Variants in TTLL5 observed in about 807,000 individuals in gnomAD.
The protein encoded by TTLL5 is tubulin polyglutamylase TTLL5.
Under a neutral mutation model 168.4 loss-of-function variants are expected in TTLL5, and 132 were observed. That is an observed-to-expected ratio of 0.78 (90% CI 0.68 to 0.91). TTLL5 has a LOEUF of 0.91. Among genes scored for constraint, TTLL5 ranks in the 40% least tolerant of loss-of-function variants. The pLI, the probability that TTLL5 is intolerant of heterozygous loss-of-function variation, is 0.00. For synonymous variants in TTLL5, 546 were observed against 558.6 expected, an observed-to-expected ratio of 0.98 and a Z score of 0.32; for missense variants, 1,545 against 1,581.5, an observed-to-expected ratio of 0.98 and a Z score of 0.39.
chr14:75,939,561 T>G (rs1362151887), intron 31 of TTLL5, among the ~76,000 whole-genome samples: 1 of 152,154 alleles, frequency 6.6e-6, no homozygotes, highest in African/African-American at 2.4e-5. Flanking sequence ...ATTATTTTAT[T>G]TTATTTTTAG....
At chr14:75,931,439 CAACTT>C (rs745622897) in intron 31 of TTLL5, among the ~76,000 whole-genome samples, 1 of 152,284 alleles carries the variant, frequency 6.6e-6, no homozygotes, top group East Asian at 1.9e-4. Flanking sequence ...CCTCAGTTAA[CAACTT>C]AACAAGTCCA....
At position 75,882,865 on chromosome 14, in the gene TTLL5, C is replaced by A; in HGVS notation, c.3703C>A (p.Gln1235Lys). 1.2e-6 allele frequency: 2 copies of A among 1,614,208 alleles called. No homozygotes were observed. The highest frequency in any genetic ancestry group is 1.7e-6 in the Non-Finnish European group (2 of 1,180,022). ...TCCCAAACCCCCACCCAACCACGAA[C>A]AAGTGCTCAGAAGGGCAACATCCCA... ...LVPKPPPNHE[Q>K]VLRRATSQKA... The change falls in exon 30 of 32, where the codon CAA becomes AAA. Residue 1235 changes from glutamine (Q) to lysine (K), a missense_variant. Physicochemically the swap from Gln to Lys is moderately conservative, Grantham distance 53. Transcript: ENST00000298832.
chr14:75,925,428 AGAGGCGCTCCTCACATCCCAGACG>A (rs2034009717), intron 31 of TTLL5, among the ~76,000 whole-genome samples: 1 of 135,380 alleles, frequency 7.4e-6, no homozygotes, highest in Non-Finnish European at 1.6e-5. Context: ...GCGGCGGGGC[AGAGGCGCTCCTCACATCCCAGACG>A]GGGCGGCGGG....
chr14:75,794,496 A>G (rs1892893718), intron 27 of TTLL5, among the ~76,000 whole-genome samples: 1 of 151,940 alleles, frequency 6.6e-6, no homozygotes, highest in Non-Finnish European at 1.5e-5. Context: ...GTGCTTACCT[A>G]TCTAGCTCCT....
chr14:75,887,182 G>A (rs2032165760), intron 30 of TTLL5: 1 of 1,003,444 alleles, frequency 1.0e-6, no homozygotes. Flanking sequence ...GGACTGGGTA[G>A]CCTGGTAGCA....
At chr14:75,829,431 T>TA (rs1201615452) in intron 28 of TTLL5, among the ~76,000 whole-genome samples, 1 of 151,942 alleles carries the variant, frequency 6.6e-6, no homozygotes, top group Admixed American at 6.6e-5. Flanking sequence ...AGCTAGAGAA[T>TA]AAAAAAATTT....
In TTLL5 at chr14:75,855,431, TTTTG is replaced by T. The variant is rs1271695290; in HGVS notation, c.3327-8220_3327-8217del. Among the ~76,000 whole-genome samples the T allele has an allele frequency of 7.2e-5, 11 of 152,258 alleles. No homozygotes were observed. In the South Asian group the frequency reaches 1.0e-3, roughly 14 times the overall value. On this transcript the variant is annotated intron_variant, in intron 28 of 31. Transcript: ENST00000298832. ...ATTGCCACGGGTGAGTTTTCTGGGT[TTTTG>T]TTTGTTTGTTTGTTTTCTGTTGTTG...
chr14:75,703,350 C>T (rs1426316525), intron 7 of TTLL5, among the ~76,000 whole-genome samples: 2 of 152,116 alleles, frequency 1.3e-5, no homozygotes, highest in African/African-American at 4.8e-5. Context: ...TTTACCATTA[C>T]GAGAACGAGA....
At chr14:75,773,162 A>G (rs1891448301) in intron 21 of TTLL5, among the ~76,000 whole-genome samples, 3 of 152,234 alleles carry the variant, frequency 2.0e-5, no homozygotes, top group African/African-American at 7.2e-5. Flanking sequence ...ATGAATTTAA[A>G]GTAGCCAATG....
intron 12 of TTLL5, among the ~76,000 whole-genome samples, chr14:75,730,871 C>T (rs1430150924): frequency 3.3e-5 from 5 of 152,106 alleles, no homozygotes; most frequent in Non-Finnish European, 5.9e-5. Context: ...AGGTGCCTGC[C>T]ACCACGCCCA....
chr14:75,684,052 A>G (rs8005563), intron 5 of TTLL5: 3,681 of 202,354 alleles, frequency 0.018, 113 homozygotes, highest in African/African-American at 0.064. Flanking sequence ...GGGATTACAG[A>G]CATGAGCCAC....
At chr14:75,668,043 G>A (rs930365134) in intron 2 of TTLL5, among the ~76,000 whole-genome samples, 1 of 152,096 alleles carries the variant, frequency 6.6e-6, no homozygotes, top group Admixed American at 6.6e-5. Flanking sequence ...ACAGGCGTGA[G>A]CCACCGTGTC....
At chr14:75,753,013 A>C in intron 18 of TTLL5, 58 bp downstream of exon 18, 2 of 1,519,320 alleles carry the variant, frequency 1.3e-6, no homozygotes, top group South Asian at 2.3e-5. Flanking sequence ...CAGAAAGTAC[A>C]TGTCAAAGAA....
chr14:75,793,885 T>TA, intron 27 of TTLL5, among the ~76,000 whole-genome samples: 1 of 152,350 alleles, frequency 6.6e-6, no homozygotes, highest in East Asian at 1.9e-4. Context: ...ACTCCACAGT[T>TA]ATATTTTGCT....
At chr14:75,816,737 T>C (rs1249960767) in intron 27 of TTLL5, among the ~76,000 whole-genome samples, 2 of 152,122 alleles carry the variant, frequency 1.3e-5, no homozygotes, top group Non-Finnish European at 2.9e-5. Context: ...ACTGTACTTT[T>C]TCTGTAAGTT....
intron 29 of TTLL5, among the ~76,000 whole-genome samples, chr14:75,871,442 C>T (rs1445887783): frequency 6.6e-6 from 1 of 152,098 alleles, no homozygotes; most frequent in East Asian, 1.9e-4. Flanking sequence ...TCCACTCTAC[C>T]GTCCTCCCCC....
intron 29 of TTLL5, among the ~76,000 whole-genome samples, chr14:75,873,495 T>C (rs1233075489): frequency 6.6e-6 from 1 of 152,254 alleles, no homozygotes; most frequent in African/African-American, 2.4e-5. Flanking sequence ...CATTACCTCA[T>C]GTTGAGTGAA....
chr14:75,828,573 G>A (rs932558973), intron 28 of TTLL5, among the ~76,000 whole-genome samples: 2 of 152,032 alleles, frequency 1.3e-5, no homozygotes, highest in Non-Finnish European at 2.9e-5. Flanking sequence ...GTTTTTGTGG[G>A]GGGTCAGAAG....
intron 31 of TTLL5, among the ~76,000 whole-genome samples, chr14:75,911,581 T>A (rs2033388910): frequency 6.6e-6 from 1 of 152,134 alleles, no homozygotes; most frequent in South Asian, 2.1e-4. Flanking sequence ...AAAGTGAGAG[T>A]GAGGTATTTT....
Sources: gnomAD v4.1 joint callset for allele counts (sites outside exome capture counted in the v4.1 genomes callset) on GRCh38, gnomAD v4.1.1 for gene constraint, MANE v1.5 for transcripts, NCBI Gene and HGNC (gene_info 2026-07-23, HGNC 2026-07-21) for gene names.